Variants in DNM3 observed in about 807,000 individuals in gnomAD.
DNM3 encodes dynamin 3, also known as dynamin-3.
A neutral mutation model predicts 101.6 loss-of-function variants in DNM3; 47 were observed. The ratio of observed to expected loss-of-function variants is 0.46; its 90% CI spans 0.37 to 0.59. The LOEUF (loss-of-function observed/expected upper bound fraction) is 0.59. Ranked by LOEUF, DNM3 falls within the 20% of genes least tolerant of loss-of-function variation. The pLI, the probability that DNM3 is intolerant of heterozygous loss-of-function variation, is 0.00. For synonymous variants in DNM3, 385 were observed against 387.9 expected (o/e 0.99, Z 0.09); for missense variants, 849 against 1,085.7 (o/e 0.78, Z 3.06).
chr1:171,988,811 C>G, intron 3 of DNM3, 134 bp from the exon 4 acceptor site: 1 of 683,276 alleles, frequency 1.5e-6, no homozygotes, highest in Non-Finnish European at 2.3e-6. Flanking sequence ...ATTTTATGCT[C>G]TTTATTCTAC....
intron 2 of DNM3, among the ~76,000 whole-genome samples, chr1:171,967,401 G>T (rs1224958314): frequency 6.6e-6 from 1 of 152,032 alleles, no homozygotes; most frequent in Non-Finnish European, 1.5e-5. Flanking sequence ...AATCTAGCTT[G>T]TTGACATGCT....
At position 172,159,367 on chromosome 1, in the gene DNM3, C is replaced by T. The variant is rs74126019; in HGVS notation, c.1659+28079C>T. Among the ~76,000 whole-genome samples the T allele has an allele frequency of 6.2e-3, 941 of 152,118 alleles. 8 individuals carry two copies. The highest frequency in any genetic ancestry group is 0.022 in the African/African-American group (907 of 41,538). On this transcript the variant is annotated intron_variant, in intron 14 of 20. Coordinates refer to ENST00000627582, the MANE Select transcript of DNM3 (RefSeq NM_015569.5). Reference sequence around the variant, plus strand: ...TGTGTTTCTGCTACAGCAAGTTCATCTCACATTGAGTTATTGTCCAAGACT... The same window carrying T: ...TGTGTTTCTGCTACAGCAAGTTCATTTCACATTGAGTTATTGTCCAAGACT...
intron 1 of DNM3, among the ~76,000 whole-genome samples, chr1:171,902,537 A>T (rs752634833): frequency 6.6e-6 from 1 of 152,116 alleles, no homozygotes. Flanking sequence ...TTTGTTGTTG[A>T]CTCTACAGAA....
intron 1 of DNM3, among the ~76,000 whole-genome samples, chr1:171,899,626 G>A (rs1325386147): frequency 6.6e-6 from 1 of 152,130 alleles, no homozygotes; most frequent in East Asian, 1.9e-4. Context: ...ACAGAAATGT[G>A]GATAATGGTA....
chr1:172,101,916 T>G (rs1190547114), intron 13 of DNM3, among the ~76,000 whole-genome samples: 1 of 152,090 alleles, frequency 6.6e-6, no homozygotes, highest in Non-Finnish European at 1.5e-5. Context: ...TGGAGTGCAA[T>G]GGTGTGATAT....
chr1:172,122,269 T>A (rs1460700105), intron 13 of DNM3, among the ~76,000 whole-genome samples: 6 of 152,188 alleles, frequency 3.9e-5, no homozygotes, highest in African/African-American at 1.2e-4. Flanking sequence ...GTCCTTACAA[T>A]AACAAATATA....
intron 16 of DNM3, 31 bp from the exon 17 acceptor site, chr1:172,323,296 TTC>T: frequency 1.3e-6 from 2 of 1,576,174 alleles, no homozygotes; most frequent in Non-Finnish European, 1.7e-6. Flanking sequence ...TTTAACATAT[TTC>T]TCTTTCTTTT....
At chr1:171,869,744 T>G (rs1223686505) in intron 1 of DNM3, among the ~76,000 whole-genome samples, 1 of 152,250 alleles carries the variant, frequency 6.6e-6, no homozygotes, top group Admixed American at 6.5e-5. Flanking sequence ...TTTGAAAATG[T>G]AAAGTAATGC....
rs545753004 is a variant in DNM3 at position 172,109,154 on chromosome 1, C to T, written c.1545+16279C>T. ...TATAACAAAAACCTTAGTTTAATAT[C>T]GAGTCATTTTATTGTTTCCTTACCT... On this transcript the variant is annotated intron_variant, in intron 13 of 20. Coordinates refer to ENST00000627582, the MANE Select transcript of DNM3 (RefSeq NM_015569.5). Among the ~76,000 whole-genome samples, 7 of 152,166 alleles carry T rather than the reference C, an allele frequency of 4.6e-5. 1 individual carries two copies. The highest frequency in any genetic ancestry group is 3.3e-4 in the Admixed American group (5 of 15,286).
chr1:171,934,599 A>G (rs985682567), intron 2 of DNM3, among the ~76,000 whole-genome samples: 5 of 152,182 alleles, frequency 3.3e-5, no homozygotes, highest in Admixed American at 6.5e-5. Context: ...TGTTTTTTAC[A>G]AAGTGTATGT....
chr1:171,959,322 A>G (rs1480956513), intron 2 of DNM3, among the ~76,000 whole-genome samples: 3 of 152,312 alleles, frequency 2.0e-5, no homozygotes, highest in East Asian at 1.9e-4. Flanking sequence ...TAAAAAGATA[A>G]TAAGGGAAAA....
At chr1:171,925,318 CTT>C (rs2040483533) in intron 2 of DNM3, among the ~76,000 whole-genome samples, 2 of 151,986 alleles carry the variant, frequency 1.3e-5, no homozygotes, top group Admixed American at 6.6e-5. Context: ...AGCTCCGCCT[CTT>C]GGGTTCATGC....
At chr1:171,951,240 C>T (rs2042505918) in intron 2 of DNM3, among the ~76,000 whole-genome samples, 1 of 152,166 alleles carries the variant, frequency 6.6e-6, no homozygotes, top group South Asian at 2.1e-4. Context: ...TTACCTAAGA[C>T]ATGATGATTA....
intron 9 of DNM3, among the ~76,000 whole-genome samples, chr1:172,045,558 G>A (rs1161605004): frequency 6.6e-6 from 1 of 152,078 alleles, no homozygotes; most frequent in Non-Finnish European, 1.5e-5. Context: ...GAAGGGTATG[G>A]TTTCAACATA....
chr1:172,158,646 G>A (rs2058433163), intron 14 of DNM3, among the ~76,000 whole-genome samples: 1 of 151,904 alleles, frequency 6.6e-6, no homozygotes, highest in Non-Finnish European at 1.5e-5. Flanking sequence ...GCAAACCAAT[G>A]AAAAAATCTA....
chr1:172,220,702 A>C (rs2060875949), intron 14 of DNM3, among the ~76,000 whole-genome samples: 1 of 152,178 alleles, frequency 6.6e-6, no homozygotes, highest in Non-Finnish European at 1.5e-5. Context: ...CAGTGTGTTT[A>C]AGTAGAACTA....
chr1:171,946,146 A>C (rs2042161466), intron 2 of DNM3, among the ~76,000 whole-genome samples: 1 of 152,224 alleles, frequency 6.6e-6, no homozygotes, highest in East Asian at 1.9e-4. Flanking sequence ...TGTGCGTTTC[A>C]AAGACCATAT....
At chr1:171,945,282 G>A (rs1293439231) in intron 2 of DNM3, among the ~76,000 whole-genome samples, 1 of 151,958 alleles carries the variant, frequency 6.6e-6, no homozygotes, top group Non-Finnish European at 1.5e-5. Context: ...TTGGTTCACA[G>A]GGTTTCATTT....
At chr1:172,239,307 A>T (rs1372020535) in intron 14 of DNM3, among the ~76,000 whole-genome samples, 1 of 152,180 alleles carries the variant, frequency 6.6e-6, no homozygotes, top group African/African-American at 2.4e-5. Context: ...TTGCTGTTGT[A>T]AATACATTGA....
Sources: gnomAD v4.1 joint callset for allele counts (sites outside exome capture counted in the v4.1 genomes callset) on GRCh38, gnomAD v4.1.1 for gene constraint, MANE v1.5 for transcripts, NCBI Gene and HGNC (gene_info 2026-07-23, HGNC 2026-07-21) for gene names.